PDLIM5: variants seen among roughly 807,000 people sequenced by gnomAD.
PDLIM5 encodes the protein PDZ and LIM domain 5, also known as PDZ and LIM domain protein 5.
Under a neutral mutation model 64.2 loss-of-function variants are expected in PDLIM5, and 34 were observed. The ratio of observed to expected loss-of-function variants is 0.53; its 90% CI spans 0.40 to 0.71. PDLIM5 has a LOEUF of 0.71. Ranked by LOEUF, PDLIM5 falls within the 30% of genes least tolerant of loss-of-function variation. PDLIM5 has a pLI of 0.00. For synonymous variants in PDLIM5, 253 were observed against 269.1 expected (o/e 0.94, Z 0.59); for missense variants, 683 against 733.6 (o/e 0.93, Z 0.80).
intron 7 of PDLIM5, among the ~76,000 whole-genome samples, chr4:94,614,170 C>T (rs1738587837): frequency 6.6e-6 from 1 of 152,164 alleles, no homozygotes; most frequent in South Asian, 2.1e-4. Context: ...ACCACATTGT[C>T]CAGGATGGTC....
rs184725584 is a variant in PDLIM5 at position 94,494,205 on chromosome 4, C to T, written c.97-29519C>T. Among the ~76,000 whole-genome samples, 13 of 152,042 alleles carry T rather than the reference C, an allele frequency of 8.6e-5. No individual in the cohort carries two copies. The East Asian group carries it at 2.5e-3, about 30-fold the overall frequency. ...CTGGTCTCCAACTCCCGGCCTCAAG[C>T]AGTCCTCCCATTTCAGCCTCCCAAA... On this transcript the variant is annotated intron_variant, in intron 2 of 12. Transcript: ENST00000317968.
chr4:94,481,748 A>G (rs543965642), intron 2 of PDLIM5, among the ~76,000 whole-genome samples: 4 of 150,606 alleles, frequency 2.7e-5, no homozygotes, highest in Non-Finnish European at 5.9e-5. Context: ...AGCTGGGTCT[A>G]CAGGCGCCCG....
At chr4:94,573,788 T>G (rs1194679737) in intron 4 of PDLIM5, 1 of 190,256 alleles carries the variant, frequency 5.3e-6, no homozygotes, top group Non-Finnish European at 1.1e-5. Context: ...TTCAGAGTAT[T>G]CTTAGGTTAT....
intron 9 of PDLIM5, among the ~76,000 whole-genome samples, chr4:94,651,174 T>C (rs1305301551): frequency 6.6e-6 from 1 of 152,208 alleles, no homozygotes; most frequent in Non-Finnish European, 1.5e-5. Flanking sequence ...ATTAATTTTA[T>C]TGTTTAATCT....
Position 94,662,383 on chromosome 4 carries a change from C to A in PDLIM5, c.1586-39C>A, listed in dbSNP as rs758339156. On this transcript the variant is annotated intron_variant, in intron 11 of 12. Coordinates refer to ENST00000317968, the MANE Select transcript of PDLIM5 (RefSeq NM_006457.5). ...AGGAACGATCATTCTAAAACTTCAT[C>A]ATGTTTAAATTATGTCTCTCTGCCC... The A allele has an allele frequency of 1.1e-5, 10 of 931,290 alleles. No individual in the cohort carries two copies. The South Asian group carries it at 1.1e-4, about 10-fold the overall frequency. 57.7% of individuals were successfully genotyped at this position (931,290 alleles called of 1,614,324 possible).
chr4:94,638,827 T>A (rs1472705302), intron 8 of PDLIM5, among the ~76,000 whole-genome samples: 1 of 152,222 alleles, frequency 6.6e-6, no homozygotes, highest in Non-Finnish European at 1.5e-5. Context: ...TCCAGTTTAT[T>A]TATTCATTCA....
chr4:94,636,912 A>T (rs1451665900), intron 8 of PDLIM5, among the ~76,000 whole-genome samples: 2 of 152,192 alleles, frequency 1.3e-5, no homozygotes, highest in African/African-American at 2.4e-5. Flanking sequence ...CTAATAAATT[A>T]TACAGGTGAG....
At chr4:94,492,055 A>T (rs1473412158) in intron 2 of PDLIM5, among the ~76,000 whole-genome samples, 2 of 151,486 alleles carry the variant, frequency 1.3e-5, no homozygotes, top group Admixed American at 6.6e-5. Context: ...CCCTCCCCTC[A>T]ATGTCCTCCT....
In PDLIM5 at chr4:94,667,788, A is replaced by C. The variant is rs1172450334; in HGVS notation, c.*3721A>C. The C allele has an allele frequency of 6.6e-6, 1 of 152,214 alleles. No individual in the cohort carries two copies. 9.4% of individuals were successfully genotyped at this position (152,214 alleles called of 1,614,324 possible). ...ATTATGTTTAAAATAATCTACAACAAAAATGTACCATTTTCAAGCAGTACT... is the reference window on the plus strand; with the variant it reads ...ATTATGTTTAAAATAATCTACAACACAAATGTACCATTTTCAAGCAGTACT... On this transcript the variant is annotated 3_prime_UTR_variant, in exon 13 of 13. Coordinates refer to ENST00000317968, the MANE Select transcript of PDLIM5 (RefSeq NM_006457.5).
chr4:94,532,515 C>T (rs1730973739), intron 3 of PDLIM5, among the ~76,000 whole-genome samples: 1 of 152,154 alleles, frequency 6.6e-6, no homozygotes, highest in Non-Finnish European at 1.5e-5. Context: ...TTGTTACTAA[C>T]AGGCTTCAGT....
intron 3 of PDLIM5, among the ~76,000 whole-genome samples, chr4:94,554,182 A>G (rs1222702569): frequency 6.6e-6 from 1 of 152,176 alleles, no homozygotes; most frequent in East Asian, 1.9e-4. Flanking sequence ...TTTTGAGGCC[A>G]TCTTCCATCC....
chr4:94,645,262 G>A (rs1741321910), intron 9 of PDLIM5, among the ~76,000 whole-genome samples: 2 of 152,268 alleles, frequency 1.3e-5, no homozygotes, highest in South Asian at 4.1e-4. Context: ...TTCTTTCTAT[G>A]GCTGAGTAGT....
intron 2 of PDLIM5, among the ~76,000 whole-genome samples, chr4:94,507,730 A>C (rs1470078185): frequency 1.3e-5 from 2 of 152,182 alleles, no homozygotes; most frequent in African/African-American, 4.8e-5. Context: ...TGTTCTCTCT[A>C]ACAGAAATGG....
At position 94,665,481 on chromosome 4, in the gene PDLIM5, TAAA is replaced by T. The variant is rs10706955; in HGVS notation, c.*1437_*1439del. The T allele has an allele frequency of 0.07, 30,876 of 438,892 alleles. 3 individuals carry two copies. The highest frequency in any genetic ancestry group is 0.08 in the South Asian group (797 of 9,978). The allele number at this position is 438,892 out of a possible 1,614,324, so 27.2% of individuals were successfully genotyped here. On this transcript the variant is annotated 3_prime_UTR_variant, in exon 13 of 13. Transcript: ENST00000317968. ...GGTGACAGAGCAAGACTCCGGCTCT[TAAA>T]AAAAAAAAAAAAAAAAAAAAAAGAG...
chr4:94,506,932 C>T (rs763768064), intron 2 of PDLIM5, among the ~76,000 whole-genome samples: 26 of 152,266 alleles, frequency 1.7e-4, no homozygotes, highest in Admixed American at 4.6e-4. Context: ...AGGCTTCTGG[C>T]TTTCATCTTT....
At chr4:94,517,534 AAT>A (rs1431891795) in intron 2 of PDLIM5, among the ~76,000 whole-genome samples, 2 of 152,230 alleles carry the variant, frequency 1.3e-5, no homozygotes, top group South Asian at 2.1e-4. Flanking sequence ...TTATTAGCAT[AAT>A]TCTTCAAATT....
chr4:94,572,866 T>A (rs1348896034), intron 3 of PDLIM5, among the ~76,000 whole-genome samples: 1 of 152,204 alleles, frequency 6.6e-6, no homozygotes, highest in East Asian at 1.9e-4. Context: ...ATTGACCCAA[T>A]TCAACTAGAA....
chr4:94,607,581 G>A (rs931219751), intron 7 of PDLIM5, among the ~76,000 whole-genome samples: 8 of 152,096 alleles, frequency 5.3e-5, no homozygotes, highest in African/African-American at 1.4e-4. Context: ...ACATTCTGAC[G>A]TGAAACTTTT....
At chr4:94,504,846 C>T (rs148198253) in intron 2 of PDLIM5, among the ~76,000 whole-genome samples, 14 of 152,270 alleles carry the variant, frequency 9.2e-5, no homozygotes, top group Middle Eastern at 3.4e-3. Context: ...CTGAACTGTG[C>T]TGAGTATTGA....
Sources: allele counts gnomAD v4.1 joint callset (sites outside exome capture counted in the v4.1 genomes callset), GRCh38; gene constraint gnomAD v4.1.1; transcripts MANE v1.5; gene names NCBI Gene and HGNC (gene_info 2026-07-23, HGNC 2026-07-21).